The following TEX2 variants were observed in gnomAD, a reference collection of about 807,000 sequenced individuals.
The protein encoded by TEX2 is testis expressed 2.
Under a neutral mutation model 106.9 loss-of-function variants are expected in TEX2, and 53 were observed. That is an observed-to-expected ratio of 0.50 (90% CI 0.40 to 0.62). TEX2 has a LOEUF of 0.62. TEX2 is among the 20% of genes least tolerant of loss of function. The pLI, the probability that TEX2 is intolerant of heterozygous loss-of-function variation, is 0.00. For synonymous variants in TEX2, 523 were observed against 534.8 expected, an observed-to-expected ratio of 0.98 and a Z score of 0.30; for missense variants, 1,207 against 1,379.0, an observed-to-expected ratio of 0.88 and a Z score of 1.98.
chr17:64,149,060 ACAT>A lies in TEX2; in HGVS notation c.3290_3292del (p.Asp1097del), dbSNP rs2030207289. 6.2e-7 allele frequency: 1 copy of A among 1,614,116 alleles called. No homozygotes were observed. The highest frequency in any genetic ancestry group is 8.5e-7 in the Non-Finnish European group (1 of 1,179,956). ...GGCTGAGTGCATTATAGTGATATAA[ACAT>A]CATCCATGTTTGGCATGACAAAAAC... On this transcript the variant is annotated inframe_deletion, in exon 12 of 12. Coordinates refer to ENST00000584379, the MANE Select transcript of TEX2 (RefSeq NM_001288732.2).
chr17:64,232,898 G>A (rs782708587), intron 1 of TEX2, among the ~76,000 whole-genome samples: 36 of 152,208 alleles, frequency 2.4e-4, no homozygotes, highest in Non-Finnish European at 4.0e-4. Flanking sequence ...GCCCAGGTCA[G>A]CTCCACCTAA....
intron 1 of TEX2, among the ~76,000 whole-genome samples, chr17:64,249,788 A>G (rs2034057042): frequency 6.6e-6 from 1 of 152,204 alleles, no homozygotes; most frequent in Non-Finnish European, 1.5e-5. Flanking sequence ...CAATGATCAC[A>G]GTCAGCCTTA....
intron 1 of TEX2, among the ~76,000 whole-genome samples, chr17:64,256,894 T>C (rs1390303144): frequency 6.6e-6 from 1 of 152,180 alleles, no homozygotes; most frequent in African/African-American, 2.4e-5. Flanking sequence ...AAAGACAGCA[T>C]GAGGTCCAAG....
At chr17:64,231,960 G>A (rs782274143) in intron 1 of TEX2, among the ~76,000 whole-genome samples, 7 of 152,214 alleles carry the variant, frequency 4.6e-5, no homozygotes, top group Non-Finnish European at 7.3e-5. Context: ...TGGACTCACC[G>A]GCATGTTATC....
chr17:64,174,110 T>A (rs1213565380), intron 6 of TEX2, among the ~76,000 whole-genome samples: 2 of 152,152 alleles, frequency 1.3e-5, no homozygotes, highest in Non-Finnish European at 2.9e-5. Flanking sequence ...CCTCCCGAAG[T>A]GCTGGATTAC....
intron 1 of TEX2, among the ~76,000 whole-genome samples, chr17:64,244,792 C>T (rs1555636136): frequency 6.6e-6 from 1 of 152,076 alleles, no homozygotes; most frequent in African/African-American, 2.4e-5. Context: ...ATCCTGTTCT[C>T]TAGTTGCTTT....
intron 6 of TEX2, among the ~76,000 whole-genome samples, chr17:64,173,856 T>G (rs901542669): frequency 6.6e-6 from 1 of 152,162 alleles, no homozygotes; most frequent in Non-Finnish European, 1.5e-5. Context: ...TCTTTTCTTT[T>G]TTTTTTTGAA....
intron 4 of TEX2, among the ~76,000 whole-genome samples, chr17:64,190,251 G>C (rs2032246231): frequency 6.6e-6 from 1 of 151,742 alleles, no homozygotes; most frequent in African/African-American, 2.4e-5. Flanking sequence ...TAGGATAAAA[G>C]CTACATCAAA....
intron 2 of TEX2, among the ~76,000 whole-genome samples, chr17:64,210,507 T>C (rs1426311771): frequency 1.3e-5 from 2 of 152,122 alleles, no homozygotes; most frequent in Non-Finnish European, 2.9e-5. Context: ...CAAAAAATTT[T>C]TTTTCTTTGG....
chr17:64,205,753 A>G lies in TEX2; in HGVS notation c.1644+6821T>C, dbSNP rs1555630677. 6.6e-6 allele frequency among the ~76,000 whole-genome samples: 1 copy of G among 152,172 alleles called. No individual in the cohort carries two copies. The highest frequency in any genetic ancestry group is 1.9e-4 in the East Asian group (1 of 5,200). On this transcript the variant is annotated intron_variant, in intron 2 of 11. Transcript: ENST00000584379. The surrounding 1 kb of genome is among the most constrained non-coding windows in gnomAD (Gnocchi z 4.0). The stretch of plus-strand genomic sequence containing the variant: ...CTTATTAAATATCTACATGTGACAC[A>G]ATCTAAAGAAAAAAAAGTTCTCCAA...
At chr17:64,242,972 AG>A in intron 1 of TEX2, among the ~76,000 whole-genome samples, 1 of 151,230 alleles carries the variant, frequency 6.6e-6, no homozygotes, top group Non-Finnish European at 1.5e-5. Context: ...TCTGTCACCC[AG>A]GCTGGAGTGC....
At chr17:64,156,498 T>G (rs934559312) in intron 8 of TEX2, among the ~76,000 whole-genome samples, 1 of 152,224 alleles carries the variant, frequency 6.6e-6, no homozygotes, top group African/African-American at 2.4e-5. Context: ...AATGCTTATG[T>G]GTATCCACTG....
chr17:64,247,368 C>T (rs2034009304), intron 1 of TEX2, among the ~76,000 whole-genome samples: 1 of 151,874 alleles, frequency 6.6e-6, no homozygotes, highest in Non-Finnish European at 1.5e-5. Flanking sequence ...AAAAAGATGC[C>T]CTGTGAAAAT....
Position 64,153,249 on chromosome 17 carries a change from C to G in TEX2, c.2931-95G>C. 1.2e-6 allele frequency: 1 copy of G among 847,232 alleles called. No individual in the cohort carries two copies. The highest frequency in any genetic ancestry group is 1.9e-6 in the Non-Finnish European group (1 of 529,826). The allele number at this position is 847,232 out of a possible 1,614,324, so 52.5% of individuals were successfully genotyped here. A position where few individuals can be genotyped will look rare whatever the true frequency, so the allele number is the denominator to read the frequency against. On this transcript the variant is annotated intron_variant, in intron 9 of 11. Transcript: ENST00000584379. The surrounding 1 kb of genome is among the most constrained non-coding windows in gnomAD (Gnocchi z 4.1). ...CTTCGTTCCCCTTACTTTAGAGCAC[C>G]ACTCGATGTTTTGGATGTGGTGATT... is the stretch of plus-strand genomic sequence containing the variant.
chr17:64,194,273 G>A (rs2032392981), intron 3 of TEX2, among the ~76,000 whole-genome samples: 2 of 152,288 alleles, frequency 1.3e-5, no homozygotes, highest in South Asian at 4.1e-4. Context: ...TAGATGGGAA[G>A]CTAAAGTCAA....
intron 2 of TEX2, among the ~76,000 whole-genome samples, chr17:64,208,421 T>C (rs2032903955): frequency 6.6e-6 from 1 of 152,022 alleles, no homozygotes; most frequent in African/African-American, 2.4e-5. Context: ...AAAACTTTTA[T>C]AGAGATGGTG....
chr17:64,207,302 C>T (rs782202471), intron 2 of TEX2, among the ~76,000 whole-genome samples: 2 of 152,134 alleles, frequency 1.3e-5, no homozygotes, highest in African/African-American at 2.4e-5. Flanking sequence ...GCACCCAGCT[C>T]ACTGCCTGAC....
chr17:64,154,802 C>T (rs760054222), intron 9 of TEX2, 40 bp downstream of exon 9: 1 of 1,527,870 alleles, frequency 6.5e-7, no homozygotes, highest in Non-Finnish European at 8.8e-7. Flanking sequence ...CTGTCCTGAT[C>T]CCTGGAGACT....
intron 8 of TEX2, among the ~76,000 whole-genome samples, chr17:64,159,305 T>C (rs1478764360): frequency 6.6e-6 from 1 of 152,188 alleles, no homozygotes; most frequent in African/African-American, 2.4e-5. Flanking sequence ...ACTCCCTTTT[T>C]ATTAGATCTC....
Sources: allele counts gnomAD v4.1 joint callset (sites outside exome capture counted in the v4.1 genomes callset), GRCh38; gene constraint gnomAD v4.1.1; non-coding constraint Gnocchi (gnomAD v3.1); transcripts MANE v1.5; gene names NCBI Gene and HGNC (gene_info 2026-07-23, HGNC 2026-07-21).